DMD: variants seen among roughly 807,000 people sequenced by gnomAD.
DMD encodes the protein mutant dystrophin.
A neutral mutation model predicts 330.1 loss-of-function variants in DMD; 63 were observed. The observed-to-expected ratio is 0.19, with a 90% CI of 0.16 to 0.24. DMD has a LOEUF of 0.24. Ranked by LOEUF, DMD falls within the 10% of genes least tolerant of loss-of-function variation. The pLI, the probability that DMD is intolerant of heterozygous loss-of-function variation, is 1.00. For missense variants in DMD, 3,344 were observed against 2,684.1 expected (o/e 1.25, Z -5.43); for synonymous variants, 1,223 against 959.8 (o/e 1.27, Z -5.07).
chrX:32,200,974 C>T (rs758520722), intron 44 of DMD, among the ~76,000 whole-genome samples: 1 of 111,440 alleles, frequency 9.0e-6, no homozygotes, highest in Admixed American at 9.6e-5. Flanking sequence ...ACATCACTCT[C>T]ACTACCAAAT....
chrX:31,932,481 C>G lies in DMD; in HGVS notation c.6615-254G>C, dbSNP rs1409217749. Among the ~76,000 whole-genome samples, 4 of 112,237 alleles carry G rather than the reference C, an allele frequency of 3.6e-5. No homozygotes were observed. In the East Asian group the frequency reaches 1.1e-3, roughly 31 times the overall value. ...AAATTCCTGGCCAGGCGCAGTGGCT[C>G]ATGCCTGTAACCCTAGCGCTTAGGG... On this transcript the variant is annotated intron_variant, in intron 45 of 78. Coordinates refer to ENST00000357033, the MANE Select transcript of DMD (RefSeq NM_004006.3).
At chrX:33,242,242 T>A (rs932537293) in intron 1 of DMD, among the ~76,000 whole-genome samples, 5 of 111,691 alleles carry the variant, frequency 4.5e-5, no homozygotes, top group Non-Finnish European at 7.5e-5. Flanking sequence ...GTATTTGTAG[T>A]CTTTTATCCC....
intron 30 of DMD, among the ~76,000 whole-genome samples, chrX:32,410,236 C>A (rs1053753100): frequency 4.5e-5 from 5 of 111,183 alleles, no homozygotes; most frequent in African/African-American, 1.6e-4. Context: ...ACTCTTGTTG[C>A]CCAGTGGAAA....
chrX:32,759,885 G>C (rs2072035330), intron 7 of DMD, among the ~76,000 whole-genome samples: 1 of 103,256 alleles, frequency 9.7e-6, no homozygotes, highest in Non-Finnish European at 1.9e-5. Context: ...GCAGGCCCAT[G>C]TGATACATTT....
chrX:32,719,813 A>G (rs950533576), intron 7 of DMD, among the ~76,000 whole-genome samples: 19 of 110,289 alleles, frequency 1.7e-4, no homozygotes, highest in African/African-American at 6.2e-4. Context: ...GTTATTTCCC[A>G]GAATACCTCA....
rs189302792 is a variant in DMD at position 31,583,793 on chromosome X, C to T, written c.8217+43880G>A. ...ATTATTATACTTTAAGTTTTAGGGTCCATATGCACAACGTGAAGGTTAGTT... is the reference window on the plus strand; with the variant it reads ...ATTATTATACTTTAAGTTTTAGGGTTCATATGCACAACGTGAAGGTTAGTT... On this transcript the variant is annotated intron_variant, in intron 55 of 78. Transcript: ENST00000357033. Among the ~76,000 whole-genome samples the T allele has an allele frequency of 6.9e-3, 748 of 108,271 alleles. 6 individuals are homozygous for T. The highest frequency in any genetic ancestry group is 0.024 in the African/African-American group (709 of 29,759). The allele number at this position is 108,271 out of a possible 115,157, so 94.0% of individuals were successfully genotyped here.
In DMD at chrX:32,031,462, C is replaced by G. The variant is rs775829710; in HGVS notation, c.6439-62948G>C. Among the ~76,000 whole-genome samples, 21 of 110,589 alleles carry G rather than the reference C, an allele frequency of 1.9e-4. 1 individual carries two copies. In the South Asian group the frequency reaches 7.3e-3, roughly 39 times the overall value. On this transcript the variant is annotated intron_variant, in intron 44 of 78. Coordinates refer to ENST00000357033, the MANE Select transcript of DMD (RefSeq NM_004006.3). ...TTTGCGCTCCAGAGGAGAGTTCTTACCACCGCAAAAATCCACATATTCACC... is the reference window on the plus strand; with the variant it reads ...TTTGCGCTCCAGAGGAGAGTTCTTAGCACCGCAAAAATCCACATATTCACC...
rs1214302199 is a variant in DMD, at chrX:31,446,845, AAT to A, written c.8938-2220_8938-2219del. Reference sequence around the variant, plus strand: ...CGTGCATTTCTAGTAGCCACAAATAAATATCATGTGAGGGGAAACTGTAAACA... The same window carrying A: ...CGTGCATTTCTAGTAGCCACAAATAAATCATGTGAGGGGAAACTGTAAACA... On this transcript the variant is annotated intron_variant, in intron 59 of 78. Coordinates refer to ENST00000357033, the MANE Select transcript of DMD (RefSeq NM_004006.3). 3.6e-5 allele frequency among the ~76,000 whole-genome samples: 4 copies of A among 111,937 alleles called. No homozygotes were observed. The Admixed American group carries it at 3.8e-4, about 11-fold the overall frequency.
intron 1 of DMD, among the ~76,000 whole-genome samples, chrX:33,319,368 G>C (rs2053981556): frequency 9.0e-6 from 1 of 111,234 alleles, no homozygotes; most frequent in African/African-American, 3.3e-5. Context: ...GGAGGGGTGG[G>C]ATAATGAACA....
chrX:32,739,075 A>G (rs1330920807), intron 7 of DMD, among the ~76,000 whole-genome samples: 1 of 112,225 alleles, frequency 8.9e-6, no homozygotes, highest in Non-Finnish European at 1.9e-5. Context: ...TAAATGTTTC[A>G]AATCAACTAA....
intron 1 of DMD, among the ~76,000 whole-genome samples, chrX:33,062,431 TC>T (rs1387665721): frequency 8.9e-6 from 1 of 112,520 alleles, no homozygotes; most frequent in Non-Finnish European, 1.9e-5. Context: ...ATTTGTTTCT[TC>T]CTGGAATTCA....
intron 37 of DMD, among the ~76,000 whole-genome samples, chrX:32,358,986 T>A (rs1245236506): frequency 1.8e-5 from 2 of 111,996 alleles, no homozygotes; most frequent in Non-Finnish European, 3.8e-5. Flanking sequence ...CTCCCTTATT[T>A]TGTAGCTAGA....
intron 2 of DMD, among the ~76,000 whole-genome samples, chrX:32,901,439 T>TA (rs1381310737): frequency 2.7e-5 from 3 of 109,382 alleles, no homozygotes; most frequent in African/African-American, 1.1e-4. Flanking sequence ...AGCAATTTGC[T>TA]ATTGAGAACT....
chrX:32,924,224 G>C (rs1441440636), intron 2 of DMD, among the ~76,000 whole-genome samples: 1 of 111,436 alleles, frequency 9.0e-6, no homozygotes, highest in East Asian at 2.8e-4. Context: ...TATGAAATAA[G>C]AAAAAAGAAA....
In DMD at chrX:32,095,907, GT is replaced by G. The variant is rs35171349; in HGVS notation, c.6438+121008del. On this transcript the variant is annotated intron_variant, in intron 44 of 78. Coordinates refer to ENST00000357033, the MANE Select transcript of DMD (RefSeq NM_004006.3). ...CTCTTTCTACTACAGTTGATTATAA[GT>G]TTTTTTTTTTATTATACTTTAAGTT... Among the ~76,000 whole-genome samples, 100 of 103,868 alleles carry G rather than the reference GT, an allele frequency of 9.6e-4. 1 individual carries two copies. The East Asian group carries it at 0.01, about 11-fold the overall frequency. The allele number at this position is 103,868 out of a possible 115,157, so 90.2% of individuals were successfully genotyped here. A position where few individuals can be genotyped will look rare whatever the true frequency, so the allele number is the denominator to read the frequency against.
intron 60 of DMD, among the ~76,000 whole-genome samples, chrX:31,410,031 G>A (rs2061569543): frequency 9.0e-6 from 1 of 111,601 alleles, no homozygotes; most frequent in African/African-American, 3.3e-5. Context: ...TGTTGGCCAG[G>A]CTGGTCTTGA....
rs1326524302 is a variant in DMD, at chrX:32,411,933, G to A, written c.4072-20C>T. 2 of 1,207,460 alleles carry A rather than the reference G, an allele frequency of 1.7e-6. No individual in the cohort carries two copies. Among genetic ancestry groups the A allele is most frequent in the African/African-American group, 3.5e-5 (2 of 57,669 alleles). On this transcript the variant is annotated intron_variant, in intron 29 of 78. Transcript: ENST00000357033. ...TACAGCCTAAAAAGAAGGAATAAGA[G>A]TGTATCAGTTAAATGTTTACTCTTG... is the stretch of plus-strand genomic sequence containing the variant.
chrX:33,288,453 G>T (rs1223632156), intron 1 of DMD, among the ~76,000 whole-genome samples: 1 of 111,507 alleles, frequency 9.0e-6, no homozygotes, highest in Admixed American at 9.6e-5. Context: ...ATAAAACTCT[G>T]TATCTCCTGA....
At chrX:32,473,604 C>G (rs1207178977) in intron 21 of DMD, among the ~76,000 whole-genome samples, 1 of 111,162 alleles carries the variant, frequency 9.0e-6, no homozygotes, top group Non-Finnish European at 1.9e-5. Flanking sequence ...ATGTAGTATT[C>G]AGATGGTTGC....
Sources: gnomAD v4.1 joint callset for allele counts (sites outside exome capture counted in the v4.1 genomes callset) on GRCh38, gnomAD v4.1.1 for gene constraint, MANE v1.5 for transcripts, NCBI Gene and HGNC (gene_info 2026-07-23, HGNC 2026-07-21) for gene names.